Variants in CLOCK observed in about 807,000 individuals in gnomAD.
CLOCK encodes circadian locomoter output cycles protein kaput.
A neutral mutation model predicts 118.4 loss-of-function variants in CLOCK; 43 were observed. The observed-to-expected ratio is 0.36, with a 90% confidence interval of 0.28 to 0.47. The LOEUF (loss-of-function observed/expected upper bound fraction) is 0.47, where lower values mean the gene tolerates loss of function less well. Ranked by LOEUF, CLOCK falls within the 20% of genes least tolerant of loss-of-function variation. CLOCK has a pLI of 1.00. For missense variants in CLOCK, 846 were observed against 999.9 expected (o/e 0.85, Z 2.08); for synonymous variants, 326 against 339.2 (o/e 0.96, Z 0.43).
intron 9 of CLOCK, among the ~76,000 whole-genome samples, chr4:55,462,533 C>A (rs752100386): frequency 1.3e-5 from 2 of 152,194 alleles, no homozygotes; most frequent in Non-Finnish European, 2.9e-5. Context: ...CCCACCTCAG[C>A]CTCCCAAAGT....
chr4:55,543,257 A>T (rs530219493), intron 1 of CLOCK, among the ~76,000 whole-genome samples: 4 of 152,198 alleles, frequency 2.6e-5, no homozygotes, highest in Admixed American at 6.5e-5. Flanking sequence ...AAATGCCTCC[A>T]TAACAATTGG....
chr4:55,519,683 C>T (rs777199432), intron 1 of CLOCK, among the ~76,000 whole-genome samples: 1 of 152,060 alleles, frequency 6.6e-6, no homozygotes, highest in Non-Finnish European at 1.5e-5. Context: ...GAAGCTGAGG[C>T]AGGAGAACCA....
intron 21 of CLOCK, among the ~76,000 whole-genome samples, chr4:55,441,926 A>C (rs1723405087): frequency 6.6e-6 from 1 of 152,202 alleles, no homozygotes. Flanking sequence ...TCATCACCTT[A>C]ACTAGCTATA....
At chr4:55,472,591 C>T (rs767624247) in intron 7 of CLOCK, among the ~76,000 whole-genome samples, 4 of 152,142 alleles carry the variant, frequency 2.6e-5, no homozygotes, top group Non-Finnish European at 4.4e-5. Flanking sequence ...CCATGTATAT[C>T]TTATTAATCC....
intron 2 of CLOCK, among the ~76,000 whole-genome samples, chr4:55,495,524 G>C (rs187053840): frequency 6.6e-6 from 1 of 151,868 alleles, no homozygotes; most frequent in South Asian, 2.1e-4. Flanking sequence ...TAAAACCTTA[G>C]CTTTGACTCT....
Position 55,482,830 on chromosome 4 carries a change from T to C in CLOCK, c.-43-2A>G. ...TTGTAGTAGACATTTGTACTTCTCC[T>C]TAGGTGAAAAGAAAAATAAATGGTC... On this transcript the variant is annotated splice_acceptor_variant, in intron 3 of 22. Coordinates refer to ENST00000513440, the MANE Select transcript of CLOCK (RefSeq NM_004898.4). LOFTEE classifies it low-confidence loss of function (5UTR_SPLICE). 6 of 1,420,142 alleles carry C rather than the reference T, an allele frequency of 4.2e-6. No individual in the cohort carries two copies. Among genetic ancestry groups the C allele is most frequent in the Non-Finnish European group, 5.9e-6 (6 of 1,017,074 alleles). 88.0% of individuals were successfully genotyped at this position (1,420,142 alleles called of 1,614,324 possible). A position where few individuals can be genotyped will look rare whatever the true frequency, so the allele number is the denominator to read the frequency against.
chr4:55,493,915 A>T (rs1349417240), intron 2 of CLOCK, among the ~76,000 whole-genome samples: 1 of 152,254 alleles, frequency 6.6e-6, no homozygotes, highest in Non-Finnish European at 1.5e-5. Context: ...AAGATGTAAG[A>T]TATTCACTAA....
At chr4:55,491,795 T>C (rs1432255189) in intron 2 of CLOCK, among the ~76,000 whole-genome samples, 2 of 147,354 alleles carry the variant, frequency 1.4e-5, no homozygotes, top group Non-Finnish European at 3.0e-5. Context: ...CAGATGACTT[T>C]ACAAGAGAGT....
chr4:55,501,281 A>C (rs1391337760), intron 2 of CLOCK, among the ~76,000 whole-genome samples: 2 of 146,770 alleles, frequency 1.4e-5, no homozygotes, highest in African/African-American at 4.9e-5. Context: ...TTCACTTACC[A>C]ATTATTTTCA....
At chr4:55,437,316 T>TAG (rs1722960598) in intron 22 of CLOCK, among the ~76,000 whole-genome samples, 1 of 152,180 alleles carries the variant, frequency 6.6e-6, no homozygotes, top group Non-Finnish European at 1.5e-5. Context: ...GTGCCCAGCC[T>TAG]AGATGAAGTG....
At chr4:55,495,330 C>T (rs77172157) in intron 2 of CLOCK, among the ~76,000 whole-genome samples, 4,108 of 152,254 alleles carry the variant, frequency 0.027, 194 homozygotes, top group African/African-American at 0.094. Context: ...ACCTTACTTG[C>T]TCCCAGCTGT....
At position 55,450,167 on chromosome 4, in the gene CLOCK, A is replaced by T; in HGVS notation, c.1272T>A (p.Phe424Leu). ...AGGCAGAAGGGGTTGGGCTGTGATC[A>T]AACCTTTCCAATGCTTCCTTGAGAC... ...TVSLKEALERFDHSPTPSASS... is the reference protein window; with the variant it reads ...TVSLKEALERLDHSPTPSASS... Residue 424 changes from phenylalanine to leucine, a missense_variant, in exon 16 of 23, where the codon TTT becomes TTA. By Grantham distance (22) the Phe-to-Leu change is conservative. This residue lies in a region of CLOCK where 520 missense variants were observed against 558.0 expected (regional missense o/e 0.93). Transcript: ENST00000513440. The T allele has an allele frequency of 6.2e-7, 1 of 1,614,050 alleles. No homozygotes were observed. Among genetic ancestry groups the T allele is most frequent in the South Asian group, 1.1e-5 (1 of 91,064 alleles).
intron 1 of CLOCK, among the ~76,000 whole-genome samples, chr4:55,541,599 T>C (rs1053840756): frequency 4.6e-5 from 7 of 152,178 alleles, no homozygotes; most frequent in Non-Finnish European, 1.0e-4. Context: ...ATAATATATA[T>C]GCTTCAAGAT....
chr4:55,462,615 C>T (rs539895665), intron 9 of CLOCK, among the ~76,000 whole-genome samples: 4 of 152,276 alleles, frequency 2.6e-5, no homozygotes, highest in South Asian at 2.1e-4. Flanking sequence ...CCTTGTTCTA[C>T]GTATTTACCT....
At chr4:55,542,807 G>A (rs1731369585) in intron 1 of CLOCK, among the ~76,000 whole-genome samples, 1 of 152,026 alleles carries the variant, frequency 6.6e-6, no homozygotes. Context: ...AATCTACGAG[G>A]CTTTCGTAGG....
chr4:55,524,232 T>TAC (rs1347105844), intron 1 of CLOCK, among the ~76,000 whole-genome samples: 15 of 151,314 alleles, frequency 9.9e-5, no homozygotes, highest in Non-Finnish European at 1.9e-4. Flanking sequence ...CTACTAAAAA[T>TAC]ACACACACAC....
intron 2 of CLOCK, among the ~76,000 whole-genome samples, chr4:55,498,022 C>G (rs115015858): frequency 0.034 from 5,123 of 151,440 alleles, 104 homozygotes; most frequent in Non-Finnish European, 0.054. Flanking sequence ...TTCATTAGTA[C>G]TATAAATCCT....
At chr4:55,517,830 A>G (rs1167969458) in intron 1 of CLOCK, among the ~76,000 whole-genome samples, 2 of 152,146 alleles carry the variant, frequency 1.3e-5, no homozygotes, top group Non-Finnish European at 2.9e-5. Context: ...ACTCTCATAC[A>G]TTGCTGGTGG....
intron 1 of CLOCK, among the ~76,000 whole-genome samples, chr4:55,516,341 C>A (rs1729513511): frequency 6.6e-6 from 1 of 152,190 alleles, no homozygotes; most frequent in Non-Finnish European, 1.5e-5. Context: ...TTTCTCCTTG[C>A]AGTTCTGTTT....
Sources: allele counts gnomAD v4.1 joint callset (sites outside exome capture counted in the v4.1 genomes callset), GRCh38; gene constraint gnomAD v4.1.1; regional missense constraint gnomAD v4.1.1; transcripts MANE v1.5; gene names NCBI Gene and HGNC (gene_info 2026-07-23, HGNC 2026-07-21).